PPP3CA: variants seen among roughly 807,000 people sequenced by gnomAD.
The protein encoded by PPP3CA is protein phosphatase 3 catalytic subunit alpha.
A neutral mutation model predicts 66.5 loss-of-function variants in PPP3CA; 14 were observed. That is an observed-to-expected ratio of 0.21 (90% CI 0.14 to 0.33). The LOEUF (loss-of-function observed/expected upper bound fraction) is 0.33, where lower values mean the gene tolerates loss of function less well. Ranked by LOEUF, PPP3CA falls within the 10% of genes least tolerant of loss-of-function variation. The probability of loss-of-function intolerance (pLI) is 1.00; values close to 1 mark genes in which losing one functional copy is unlikely to be tolerated. For missense variants in PPP3CA, 317 were observed against 639.5 expected, an observed-to-expected ratio of 0.50 and a Z score of 5.44; for synonymous variants, 232 against 226.2, an observed-to-expected ratio of 1.03 and a Z score of -0.23.
chr4:101,334,436 C>T (rs950804838), intron 1 of PPP3CA, among the ~76,000 whole-genome samples: 8 of 151,828 alleles, frequency 5.3e-5, no homozygotes, highest in Non-Finnish European at 1.2e-4. Context: ...GCCCAACCCC[C>T]GAGTGACAAT....
chr4:101,345,341 G>A (rs1014998862), intron 1 of PPP3CA, among the ~76,000 whole-genome samples: 2 of 152,192 alleles, frequency 1.3e-5, no homozygotes, highest in Admixed American at 6.5e-5. Flanking sequence ...ACCCCAGAGG[G>A]ACTTGTGTAT....
At chr4:101,285,942 A>C (rs1258271700) in intron 1 of PPP3CA, among the ~76,000 whole-genome samples, 1 of 152,208 alleles carries the variant, frequency 6.6e-6, no homozygotes, top group African/African-American at 2.4e-5. Context: ...GCAATGCAAA[A>C]GCACATATAC....
At chr4:101,042,439 T>C (rs907687705) in intron 10 of PPP3CA, among the ~76,000 whole-genome samples, 3 of 152,144 alleles carry the variant, frequency 2.0e-5, no homozygotes, top group African/African-American at 7.2e-5. Context: ...ACATATCCAA[T>C]GGGAAGGACT....
chr4:101,040,435 G>T, intron 11 of PPP3CA, 47 bp downstream of exon 11: 1 of 1,302,148 alleles, frequency 7.7e-7, no homozygotes, highest in Non-Finnish European at 1.1e-6. Context: ...TTTATTAGGT[G>T]ACACATAATA....
At chr4:101,053,659 A>C (rs80124660) in intron 10 of PPP3CA, among the ~76,000 whole-genome samples, 9,671 of 152,042 alleles carry the variant, frequency 0.064, 348 homozygotes, top group African/African-American at 0.093. Flanking sequence ...AGTTTTACTC[A>C]AACTCCTGCC....
At chr4:101,308,593 C>T (rs772041295) in intron 1 of PPP3CA, among the ~76,000 whole-genome samples, 1 of 151,992 alleles carries the variant, frequency 6.6e-6, no homozygotes, top group Non-Finnish European at 1.5e-5. Context: ...TTACAGGCAC[C>T]CACCACCATA....
At chr4:101,078,926 G>A (rs1175739273) in intron 8 of PPP3CA, among the ~76,000 whole-genome samples, 2 of 152,176 alleles carry the variant, frequency 1.3e-5, no homozygotes, top group African/African-American at 2.4e-5. Flanking sequence ...ACTAATGGCA[G>A]CACTTCTTTT....
intron 1 of PPP3CA, among the ~76,000 whole-genome samples, chr4:101,341,986 A>C (rs1209268669): frequency 6.6e-6 from 1 of 152,190 alleles, no homozygotes; most frequent in Non-Finnish European, 1.5e-5. Context: ...TGTCATAATT[A>C]GTTTCAAATT....
At chr4:101,091,216 A>G (rs997850777) in intron 6 of PPP3CA, among the ~76,000 whole-genome samples, 5 of 152,192 alleles carry the variant, frequency 3.3e-5, no homozygotes, top group Admixed American at 6.5e-5. Flanking sequence ...GGTAATTTAA[A>G]CATCTAGGGT....
chr4:101,231,928 C>T (rs1194222042), intron 1 of PPP3CA, among the ~76,000 whole-genome samples: 2 of 151,526 alleles, frequency 1.3e-5, no homozygotes, highest in African/African-American at 2.4e-5. Context: ...ATTCTCATTC[C>T]TCCCTGTGAA....
At chr4:101,319,685 A>G (rs1237908484) in intron 1 of PPP3CA, among the ~76,000 whole-genome samples, 1 of 152,144 alleles carries the variant, frequency 6.6e-6, no homozygotes, top group Non-Finnish European at 1.5e-5. Context: ...TTGAGGTAAG[A>G]ATTTATTCAG....
At chr4:101,235,689 T>C (rs1416184465) in intron 1 of PPP3CA, among the ~76,000 whole-genome samples, 1 of 151,832 alleles carries the variant, frequency 6.6e-6, no homozygotes, top group Non-Finnish European at 1.5e-5. Flanking sequence ...GCCATTGATA[T>C]CTGTCTTGTG....
intron 10 of PPP3CA, among the ~76,000 whole-genome samples, chr4:101,057,720 G>T (rs1728287462): frequency 6.6e-6 from 1 of 152,144 alleles, no homozygotes; most frequent in African/African-American, 2.4e-5. Context: ...TTTTCCCAAA[G>T]CACCAGCTTC....
intron 2 of PPP3CA, among the ~76,000 whole-genome samples, chr4:101,183,445 G>A (rs1409513881): frequency 6.6e-6 from 1 of 152,116 alleles, no homozygotes; most frequent in Non-Finnish European, 1.5e-5. Context: ...CAGCTGAGTG[G>A]CCATGTGTAC....
chr4:101,059,511 T>G (rs910793315), intron 10 of PPP3CA, among the ~76,000 whole-genome samples: 1 of 152,136 alleles, frequency 6.6e-6, no homozygotes, highest in Non-Finnish European at 1.5e-5. Context: ...TAGACTCTAT[T>G]TACATGAGTG....
At chr4:101,284,604 A>G (rs1727778855) in intron 1 of PPP3CA, among the ~76,000 whole-genome samples, 1 of 152,048 alleles carries the variant, frequency 6.6e-6, no homozygotes, top group Non-Finnish European at 1.5e-5. Flanking sequence ...TTAAATATTT[A>G]TTTACTCACT....
At chr4:101,030,875 A>G (rs550111932) in intron 12 of PPP3CA, among the ~76,000 whole-genome samples, 1 of 152,264 alleles carries the variant, frequency 6.6e-6, no homozygotes, top group South Asian at 2.1e-4. Context: ...TCAGTTAGGT[A>G]GATGGTACAT....
rs149911692 is a variant in PPP3CA at position 101,242,239 on chromosome 4, T to C, written c.59-46123A>G. The stretch of plus-strand genomic sequence containing the variant: ...CTAATGACTGCAATAAGCATCATAT[T>C]AGACACTGAATGGGGATAGATAAGC... On this transcript the variant is annotated intron_variant, in intron 1 of 13. Transcript: ENST00000394854. Among the ~76,000 whole-genome samples the C allele has an allele frequency of 7.3e-3, 1,113 of 152,256 alleles. 11 individuals carry two copies. Among genetic ancestry groups the C allele is most frequent in the African/African-American group, 0.026 (1,064 of 41,558 alleles).
chr4:101,304,561 T>C (rs771256174), intron 1 of PPP3CA, among the ~76,000 whole-genome samples: 9 of 152,226 alleles, frequency 5.9e-5, no homozygotes, highest in Non-Finnish European at 1.2e-4. Context: ...AAAATCTGAA[T>C]GTTATGTAAA....
Sources: allele counts gnomAD v4.1 joint callset (sites outside exome capture counted in the v4.1 genomes callset), GRCh38; gene constraint gnomAD v4.1.1; transcripts MANE v1.5; gene names NCBI Gene and HGNC (gene_info 2026-07-23, HGNC 2026-07-21).